The following APBB1IP variants were observed in gnomAD, a reference collection of about 807,000 sequenced individuals.
The protein encoded by APBB1IP is amyloid beta precursor protein binding family B member 1 interacting protein, also known as amyloid beta A4 precursor protein-binding family B member 1-interacting protein.
A neutral mutation model predicts 64.9 loss-of-function variants in APBB1IP; 27 were observed. That is an observed-to-expected ratio of 0.42 (90% confidence interval 0.31 to 0.57). APBB1IP has a LOEUF of 0.57. Among genes scored for constraint, APBB1IP ranks in the 20% least tolerant of loss-of-function variants. The pLI, the probability that APBB1IP is intolerant of heterozygous loss-of-function variation, is 0.20. For missense variants in APBB1IP, 812 were observed against 845.5 expected (o/e 0.96, Z 0.49); for synonymous variants, 392 against 331.0 (o/e 1.18, Z -2.00).
chr10:26,439,572 C>T (rs919437088), intron 2 of APBB1IP, among the ~76,000 whole-genome samples: 6 of 152,126 alleles, frequency 3.9e-5, no homozygotes, highest in Non-Finnish European at 1.5e-5. Flanking sequence ...GGTGTTCCAC[C>T]AAAGACCTAG....
chr10:26,442,960 C>T (rs1018678170), intron 2 of APBB1IP, among the ~76,000 whole-genome samples: 1 of 152,100 alleles, frequency 6.6e-6, no homozygotes. Context: ...TCTGGGTGGT[C>T]ACAAGCAGCT....
intron 2 of APBB1IP, among the ~76,000 whole-genome samples, chr10:26,487,194 G>A (rs896767818): frequency 7.3e-6 from 1 of 137,248 alleles, no homozygotes; most frequent in Non-Finnish European, 1.5e-5. Context: ...GTCAGGGCTG[G>A]GTGTTTTTTT....
intron 8 of APBB1IP, among the ~76,000 whole-genome samples, chr10:26,529,842 T>C (rs1224325201): frequency 6.6e-6 from 1 of 152,158 alleles, no homozygotes; most frequent in East Asian, 1.9e-4. Flanking sequence ...GGTTTTGCCA[T>C]GTTAGCCAGG....
intron 11 of APBB1IP, among the ~76,000 whole-genome samples, chr10:26,557,416 C>T (rs563877338): frequency 2.6e-5 from 4 of 152,270 alleles, no homozygotes; most frequent in Middle Eastern, 3.4e-3. Context: ...TTTCTGAGGC[C>T]GAGTGACCTA....
At chr10:26,538,503 T>C (rs1588610814) in intron 10 of APBB1IP, among the ~76,000 whole-genome samples, 1 of 151,432 alleles carries the variant, frequency 6.6e-6, no homozygotes, top group African/African-American at 2.4e-5. Context: ...TAGCCAGGCG[T>C]GGTGGCGGGC....
intron 3 of APBB1IP, among the ~76,000 whole-genome samples, chr10:26,495,016 T>C (rs967510191): frequency 4.0e-5 from 6 of 150,200 alleles, no homozygotes; most frequent in African/African-American, 1.5e-4. Context: ...TCTTTTTCTT[T>C]TTTTTTTTTT....
rs183999286 is a variant in APBB1IP, at chr10:26,495,093, C to T, written c.73-1211C>T. Among the ~76,000 whole-genome samples, 1,480 of 151,286 alleles carry T rather than the reference C, an allele frequency of 9.8e-3. 19 individuals carry two copies. Among genetic ancestry groups the T allele is most frequent in the African/African-American group, 0.034 (1,402 of 41,220 alleles). ...CAAGATCTTGGCTCACTGCAAGCTC[C>T]GCCTCCCAGGTTCAAGCGATTCTCC... is the stretch of plus-strand genomic sequence containing the variant. On this transcript the variant is annotated intron_variant, in intron 3 of 14. Transcript: ENST00000376236.
intron 2 of APBB1IP, among the ~76,000 whole-genome samples, chr10:26,489,169 A>G (rs893015020): frequency 1.3e-5 from 2 of 152,214 alleles, no homozygotes; most frequent in East Asian, 3.9e-4. Context: ...AAAATAAAAC[A>G]TGCAAAACTT....
intron 4 of APBB1IP, among the ~76,000 whole-genome samples, chr10:26,497,395 C>CA (rs932007279): frequency 5.3e-5 from 8 of 150,258 alleles, no homozygotes; most frequent in Non-Finnish European, 1.0e-4. Context: ...ACTAAAAATA[C>CA]AAAAAATTAG....
At chr10:26,485,267 G>C (rs544902986) in intron 2 of APBB1IP, among the ~76,000 whole-genome samples, 31 of 152,176 alleles carry the variant, frequency 2.0e-4, no homozygotes, top group Non-Finnish European at 3.8e-4. Context: ...ATAGTTCTCG[G>C]AACCATGTTA....
Position 26,513,542 on chromosome 10 carries a change from G to C in APBB1IP, c.695G>C (p.Arg232Thr). ...YEIYPELQIE[R>T]FFEDHENVVE... is the part of the protein sequence containing the mutation. ...ATACCTTTTCTTATTTCATCAGAGAGGTTTTTTGAAGACCATGAAAATGTT... is the reference window on the plus strand; with the variant it reads ...ATACCTTTTCTTATTTCATCAGAGACGTTTTTTGAAGACCATGAAAATGTT... The change falls in exon 8 of 15, where the codon AGG becomes ACG. Residue 232 changes from arginine to threonine, a missense_variant. Coordinates refer to ENST00000376236, the MANE Select transcript of APBB1IP (RefSeq NM_019043.4). 1 of 1,611,842 alleles carries C rather than the reference G, an allele frequency of 6.2e-7. No individual in the cohort carries two copies. The highest frequency in any genetic ancestry group is 8.5e-7 in the Non-Finnish European group (1 of 1,179,536).
At chr10:26,447,850 G>A (rs973684059) in intron 2 of APBB1IP, among the ~76,000 whole-genome samples, 1 of 152,042 alleles carries the variant, frequency 6.6e-6, no homozygotes, top group African/African-American at 2.4e-5. Flanking sequence ...TGCCCTGGCT[G>A]GTCTTGAACT....
chr10:26,486,835 T>C (rs1313376541), intron 2 of APBB1IP, among the ~76,000 whole-genome samples: 1 of 152,182 alleles, frequency 6.6e-6, no homozygotes, highest in Non-Finnish European at 1.5e-5. Context: ...ATTGAAAAAC[T>C]GAAGCCTAGA....
chr10:26,462,446 C>CTCTT (rs1835603922), intron 2 of APBB1IP, among the ~76,000 whole-genome samples: 1 of 152,262 alleles, frequency 6.6e-6, no homozygotes, highest in African/African-American at 2.4e-5. Context: ...AGATTTTTAT[C>CTCTT]AGGAGTGGGT....
chr10:26,545,776 A>G (rs954996901), intron 11 of APBB1IP, among the ~76,000 whole-genome samples: 1 of 59,472 alleles, frequency 1.7e-5, no homozygotes, highest in African/African-American at 1.1e-4. Context: ...AAAACAAACA[A>G]ACAAACAAAA....
At chr10:26,464,819 G>T (rs1035077422) in intron 2 of APBB1IP, among the ~76,000 whole-genome samples, 1 of 152,218 alleles carries the variant, frequency 6.6e-6, no homozygotes, top group African/African-American at 2.4e-5. Flanking sequence ...TTGAACCTGA[G>T]TTTGACTCAT....
intron 11 of APBB1IP, among the ~76,000 whole-genome samples, chr10:26,553,950 C>A (rs1316090370): frequency 6.6e-6 from 1 of 152,160 alleles, no homozygotes; most frequent in Non-Finnish European, 1.5e-5. Context: ...TCTCCAGGGT[C>A]CTAAATTCAG....
At chr10:26,462,576 A>T (rs1537747) in intron 2 of APBB1IP, among the ~76,000 whole-genome samples, 152,378 of 152,378 alleles carry the variant, frequency 1, 76,189 homozygotes, top group Non-Finnish European at 1. Context: ...GTTCTTGTAT[A>T]CTTGGTTATT....
chr10:26,462,889 T>A (rs189516807), intron 2 of APBB1IP, among the ~76,000 whole-genome samples: 12 of 152,318 alleles, frequency 7.9e-5, no homozygotes, highest in Non-Finnish European at 1.8e-4. Context: ...ACCCCGATTG[T>A]CGACTCATAA....
Sources: allele counts gnomAD v4.1 joint callset (sites outside exome capture counted in the v4.1 genomes callset), GRCh38; gene constraint gnomAD v4.1.1; transcripts MANE v1.5; gene names NCBI Gene and HGNC (gene_info 2026-07-23, HGNC 2026-07-21).